NOX4: variants seen among roughly 807,000 people sequenced by gnomAD.
NOX4 encodes NADPH oxidase 4.
Under a neutral mutation model 87.6 loss-of-function variants are expected in NOX4, and 69 were observed. That is an observed-to-expected ratio of 0.79 (90% confidence interval 0.65 to 0.96). NOX4 has a LOEUF of 0.96. NOX4 is among the 40% of genes least tolerant of loss of function. NOX4 has a pLI of 0.00. For synonymous variants in NOX4, 275 were observed against 238.2 expected (o/e 1.15, Z -1.42); for missense variants, 680 against 681.5 (o/e 1.00, Z 0.02).
At chr11:89,444,689 G>A (rs932805695) in intron 4 of NOX4, among the ~76,000 whole-genome samples, 3 of 152,024 alleles carry the variant, frequency 2.0e-5, no homozygotes, top group Admixed American at 6.6e-5. Context: ...TACCCCATAA[G>A]GTAAATTATA....
intron 8 of NOX4, among the ~76,000 whole-genome samples, chr11:89,421,447 G>T: frequency 6.6e-6 from 1 of 151,080 alleles, no homozygotes; most frequent in African/African-American, 2.4e-5. Flanking sequence ...CCTTTTCTTT[G>T]GTTATTTTAA....
chr11:89,561,179 A>G, the NOX4 span, among the ~76,000 whole-genome samples: 3 of 148,580 alleles, frequency 2.0e-5, no homozygotes, highest in Non-Finnish European at 4.4e-5. Context: ...TAGCCTATCC[A>G]TAGTATCTCT....
chr11:89,508,238 T>C, the NOX4 span, among the ~76,000 whole-genome samples: 2 of 152,040 alleles, frequency 1.3e-5, no homozygotes, highest in African/African-American at 4.8e-5. Flanking sequence ...AAAAGTGAAG[T>C]TCCCAAAGCA....
At chr11:89,464,393 G>T (rs528917787) in intron 2 of NOX4, among the ~76,000 whole-genome samples, 1 of 152,074 alleles carries the variant, frequency 6.6e-6, no homozygotes. Flanking sequence ...GAGTACAAAA[G>T]GTTCTCATTC....
At chr11:89,485,344 C>G (rs936104809) in intron 2 of NOX4, among the ~76,000 whole-genome samples, 22 of 151,844 alleles carry the variant, frequency 1.4e-4, no homozygotes, top group African/African-American at 5.3e-4. Flanking sequence ...ATGTGAATAA[C>G]TAGTTTGAAA....
chr11:89,461,615 G>A (rs1444109658), intron 2 of NOX4, among the ~76,000 whole-genome samples: 1 of 125,456 alleles, frequency 8.0e-6, no homozygotes, highest in Non-Finnish European at 1.7e-5. Flanking sequence ...ACTGCACTCC[G>A]ACCTGGGCAA....
chr11:89,463,999 A>G (rs1431798629), intron 2 of NOX4, among the ~76,000 whole-genome samples: 3 of 152,072 alleles, frequency 2.0e-5, no homozygotes, highest in Non-Finnish European at 1.5e-5. Flanking sequence ...TGTAGTTTTA[A>G]TGTAGCTGAA....
At chr11:89,521,629 A>T in the NOX4 span, among the ~76,000 whole-genome samples, 45 of 151,946 alleles carry the variant, frequency 3.0e-4, no homozygotes, top group African/African-American at 1.1e-3. Context: ...GGAAAAAAAA[A>T]ATATGATTAA....
intron 6 of NOX4, 82 bp from the exon 7 acceptor site, chr11:89,432,938 A>C: frequency 1.1e-6 from 1 of 905,048 alleles, no homozygotes; most frequent in East Asian, 2.6e-5. Flanking sequence ...AGAATCCGAA[A>C]TACTGTGCTG....
chr11:89,527,216 G>T, the NOX4 span, among the ~76,000 whole-genome samples: 2 of 152,134 alleles, frequency 1.3e-5, no homozygotes, highest in Non-Finnish European at 2.9e-5. Flanking sequence ...GAGATGATTT[G>T]GGTGCTCTTA....
chr11:89,497,476 A>G (rs1207687531), intron 1 of NOX4, among the ~76,000 whole-genome samples: 5 of 152,224 alleles, frequency 3.3e-5, no homozygotes, highest in African/African-American at 1.2e-4. Flanking sequence ...ATTAAATAAT[A>G]TGAGTTTTAC....
intron 17 of NOX4, among the ~76,000 whole-genome samples, chr11:89,332,703 C>A (rs1945527653): frequency 6.6e-6 from 1 of 151,850 alleles, no homozygotes; most frequent in African/African-American, 2.4e-5. Context: ...GACAAGCTGA[C>A]TATGCCCTGC....
chr11:89,376,889 A>G (rs1312202752), intron 11 of NOX4, among the ~76,000 whole-genome samples: 2 of 152,026 alleles, frequency 1.3e-5, no homozygotes, highest in Non-Finnish European at 2.9e-5. Context: ...CTCAAAAAAT[A>G]AAAATAAAAA....
chr11:89,484,132 T>C (rs979285566), intron 2 of NOX4, among the ~76,000 whole-genome samples: 2 of 152,148 alleles, frequency 1.3e-5, no homozygotes, highest in Non-Finnish European at 2.9e-5. Context: ...TTGATATTAT[T>C]CATATCATTT....
At chr11:89,542,063 A>G in the NOX4 span, among the ~76,000 whole-genome samples, 1 of 152,000 alleles carries the variant, frequency 6.6e-6, no homozygotes, top group Non-Finnish European at 1.5e-5. Context: ...CTCCTGCCTC[A>G]GCCTCCCAGA....
chr11:89,381,902 G>A (rs1030688015), intron 11 of NOX4, among the ~76,000 whole-genome samples: 2 of 152,072 alleles, frequency 1.3e-5, no homozygotes, highest in African/African-American at 4.8e-5. Flanking sequence ...CCACCCTTGG[G>A]TCTCTCTCTT....
the NOX4 span, among the ~76,000 whole-genome samples, chr11:89,551,440 A>T: frequency 5.3e-5 from 8 of 152,094 alleles, no homozygotes; most frequent in African/African-American, 1.9e-4. Flanking sequence ...ATGAGCATGA[A>T]ATGTTTTTCC....
the NOX4 span, among the ~76,000 whole-genome samples, chr11:89,542,660 C>T: frequency 1.3e-5 from 2 of 152,230 alleles, no homozygotes; most frequent in Middle Eastern, 3.4e-3. Context: ...GTTCTTTGTT[C>T]TCTCCCTTTT....
chr11:89,489,894 CATAAA>C (rs1013655156), intron 2 of NOX4, among the ~76,000 whole-genome samples: 47 of 152,158 alleles, frequency 3.1e-4, no homozygotes, highest in African/African-American at 1.0e-3. Context: ...AAAATATTAA[CATAAA>C]ATAAATCAGA....
Sources: allele counts gnomAD v4.1 joint callset (sites outside exome capture counted in the v4.1 genomes callset), GRCh38; gene constraint gnomAD v4.1.1; transcripts MANE v1.5; gene names NCBI Gene and HGNC (gene_info 2026-07-23, HGNC 2026-07-21).